PLXNA4: variants seen among roughly 807,000 people sequenced by gnomAD.
The protein encoded by PLXNA4 is plexin A4, also known as plexin-A4.
In PLXNA4, 44 loss-of-function variants were observed where a neutral mutation model predicts 191.8. The observed-to-expected ratio is 0.23, with a 90% confidence interval of 0.18 to 0.29. The LOEUF is 0.29. Ranked by LOEUF, PLXNA4 falls within the 10% of genes least tolerant of loss-of-function variation. The pLI is 1.00. For synonymous variants in PLXNA4, 1,082 were observed against 1,009.5 expected (o/e 1.07, Z -1.36); for missense variants, 1,800 against 2,488.8 (o/e 0.72, Z 5.89).
intron 30 of PLXNA4, among the ~76,000 whole-genome samples, chr7:132,133,601 C>T (rs368378883): frequency 1.5e-4 from 23 of 152,208 alleles, no homozygotes; most frequent in Middle Eastern, 3.4e-3. Context: ...AAGGCTCTTC[C>T]GAGCGGTTGC....
chr7:132,615,424 G>T, intron 2 of PLXNA4, among the ~76,000 whole-genome samples: 1 of 152,130 alleles, frequency 6.6e-6, no homozygotes, highest in Non-Finnish European at 1.5e-5. Flanking sequence ...CGGGGGCTGG[G>T]GCTGCTCCCA....
At chr7:132,433,419 G>A (rs1282051225) in intron 3 of PLXNA4, among the ~76,000 whole-genome samples, 1 of 152,180 alleles carries the variant, frequency 6.6e-6, no homozygotes, top group African/African-American at 2.4e-5. Context: ...GTGGCTGGAG[G>A]TAAAAAGACA....
chr7:132,443,816 C>T (rs977762264), intron 3 of PLXNA4, among the ~76,000 whole-genome samples: 4 of 152,220 alleles, frequency 2.6e-5, no homozygotes, highest in African/African-American at 9.6e-5. Context: ...TCACTCAAAA[C>T]ATTTCTGGCA....
At chr7:132,224,423 A>G (rs1798246654) in intron 8 of PLXNA4, among the ~76,000 whole-genome samples, 1 of 151,998 alleles carries the variant, frequency 6.6e-6, no homozygotes, top group African/African-American at 2.4e-5. Context: ...CTTGGCTGAC[A>G]TCTCTCGGAC....
chr7:132,420,761 G>T (rs1456264457), intron 3 of PLXNA4, among the ~76,000 whole-genome samples: 1 of 152,074 alleles, frequency 6.6e-6, no homozygotes, highest in Non-Finnish European at 1.5e-5. Flanking sequence ...GCATCATGGG[G>T]GCAAGTCTTT....
intron 2 of PLXNA4, among the ~76,000 whole-genome samples, chr7:132,628,013 A>G (rs1288120222): frequency 6.6e-6 from 1 of 152,150 alleles, no homozygotes; most frequent in Non-Finnish European, 1.5e-5. Flanking sequence ...TCTTGGAGGC[A>G]TTCCTCCTGA....
At chr7:132,638,681 G>A (rs989417114) in intron 2 of PLXNA4, among the ~76,000 whole-genome samples, 2 of 151,746 alleles carry the variant, frequency 1.3e-5, no homozygotes, top group Non-Finnish European at 1.5e-5. Context: ...AAAAAATGCC[G>A]ACCATTTGTA....
intron 1 of PLXNA4, among the ~76,000 whole-genome samples, chr7:132,561,566 T>G: frequency 1.2e-5 from 1 of 86,670 alleles, no homozygotes; most frequent in Admixed American, 1.2e-4. Context: ...CTTCTCCTCC[T>G]CCTTTCCCCT....
chr7:132,615,599 C>T (rs981015614), intron 2 of PLXNA4, among the ~76,000 whole-genome samples: 3 of 152,154 alleles, frequency 2.0e-5, no homozygotes, highest in Non-Finnish European at 2.9e-5. Context: ...GTAGCACCTG[C>T]TCCTTATACC....
rs138963899 is a variant in PLXNA4, at chr7:132,223,529, C to T, written c.2095G>A (p.Glu699Lys). 2.9e-5 allele frequency: 46 copies of T among 1,611,878 alleles called. No individual in the cohort carries two copies. In the East Asian group the frequency reaches 5.6e-4, roughly 20 times the overall value. ...SFQEGRVKLP[E>K]DCPQLLRVDK... ...CACTCTGGCTGCCAGGGACCTACCT[C>T]GGGCAGCTTCACTCGGCCTTCCTGG... Residue 699 changes from glutamate to lysine, a missense_variant and splice_region_variant, in exon 9 of 32, where the codon GAG becomes AAG. Around this residue, in one of 6 missense-constraint regions of PLXNA4, gnomAD observed 1,397 missense variants for 1,880.4 expected, o/e 0.74. Coordinates refer to ENST00000321063, the MANE Select transcript of PLXNA4 (RefSeq NM_020911.2).
At chr7:132,456,315 G>A (rs1034262826) in intron 3 of PLXNA4, among the ~76,000 whole-genome samples, 3 of 152,018 alleles carry the variant, frequency 2.0e-5, no homozygotes, top group African/African-American at 7.2e-5. Flanking sequence ...GTTTCACTGT[G>A]TTGCCCAGGC....
intron 2 of PLXNA4, among the ~76,000 whole-genome samples, chr7:132,601,859 T>G (rs1802827277): frequency 2.0e-5 from 3 of 152,236 alleles, no homozygotes; most frequent in Admixed American, 6.5e-5. Flanking sequence ...AAGATGTCCT[T>G]GCACACACAA....
intron 5 of PLXNA4, among the ~76,000 whole-genome samples, chr7:132,232,556 T>C (rs1464827909): frequency 6.6e-6 from 1 of 152,016 alleles, no homozygotes; most frequent in Non-Finnish European, 1.5e-5. Flanking sequence ...TTCTCCAGCC[T>C]CAGATCAAAG....
chr7:132,272,723 T>C (rs1800123975), intron 4 of PLXNA4, among the ~76,000 whole-genome samples: 2 of 152,202 alleles, frequency 1.3e-5, no homozygotes, highest in African/African-American at 4.8e-5. Context: ...TAGCTTCCCT[T>C]AAGACACAGT....
chr7:132,180,201 T>C (rs540452826), intron 19 of PLXNA4, among the ~76,000 whole-genome samples: 164 of 152,280 alleles, frequency 1.1e-3, no homozygotes, highest in African/African-American at 3.9e-3. Flanking sequence ...AAACACAGTC[T>C]GCCACAAATG....
intron 3 of PLXNA4, among the ~76,000 whole-genome samples, chr7:132,426,309 C>T (rs1025771576): frequency 1.3e-5 from 2 of 152,154 alleles, no homozygotes; most frequent in Non-Finnish European, 1.5e-5. Context: ...GGGTCCTCTC[C>T]CTCAGGAACA....
chr7:132,535,919 G>A (rs1799812870), intron 1 of PLXNA4, among the ~76,000 whole-genome samples: 1 of 152,118 alleles, frequency 6.6e-6, no homozygotes, highest in Non-Finnish European at 1.5e-5. Flanking sequence ...TAGACAGAGG[G>A]AAAAACTGGG....
chr7:132,178,620 CT>C (rs1796555659), intron 20 of PLXNA4, among the ~76,000 whole-genome samples: 1 of 152,192 alleles, frequency 6.6e-6, no homozygotes, highest in Non-Finnish European at 1.5e-5. Flanking sequence ...GAGTGAGAGG[CT>C]TTGCAGGTAT....
chr7:132,301,428 TA>T (rs1383087553), intron 3 of PLXNA4, among the ~76,000 whole-genome samples: 2 of 152,182 alleles, frequency 1.3e-5, no homozygotes, highest in Non-Finnish European at 2.9e-5. Context: ...TTTTCTTATT[TA>T]AATCTCAGAA....
Sources: allele counts gnomAD v4.1 joint callset (sites outside exome capture counted in the v4.1 genomes callset), GRCh38; gene constraint gnomAD v4.1.1; regional missense constraint gnomAD v4.1.1; transcripts MANE v1.5; gene names NCBI Gene and HGNC (gene_info 2026-07-23, HGNC 2026-07-21).